CLNK: variants seen among roughly 807,000 people sequenced by gnomAD.
CLNK encodes the protein cytokine dependent hematopoietic cell linker, also known as cytokine-dependent hematopoietic cell linker.
CLNK carries 74 observed loss-of-function variants against 68.6 expected under a neutral mutation model. That is an observed-to-expected ratio of 1.08 (90% CI 0.89 to 1.31). CLNK has a LOEUF of 1.31. Ranked by LOEUF, CLNK falls within the 50% of genes most tolerant of loss-of-function variation. The pLI is 0.00. For missense variants in CLNK, 553 were observed against 515.3 expected, an observed-to-expected ratio of 1.07 and a Z score of -0.71; for synonymous variants, 198 against 172.2, an observed-to-expected ratio of 1.15 and a Z score of -1.17.
intron 17 of CLNK, among the ~76,000 whole-genome samples, chr4:10,501,882 G>A (rs1008789094): frequency 2.0e-5 from 3 of 152,202 alleles, no homozygotes; most frequent in African/African-American, 7.2e-5. Flanking sequence ...AGCCAAGATC[G>A]TGCCACTGCA....
intron 8 of CLNK, among the ~76,000 whole-genome samples, chr4:10,544,426 C>A (rs1439656700): frequency 6.6e-6 from 1 of 152,130 alleles, no homozygotes; most frequent in African/African-American, 2.4e-5. Context: ...ATGAAGCTTA[C>A]ATTCAGTGGC....
intron 2 of CLNK, among the ~76,000 whole-genome samples, chr4:10,642,844 G>T (rs1000716709): frequency 6.6e-6 from 1 of 152,238 alleles, no homozygotes; most frequent in South Asian, 2.1e-4. Flanking sequence ...TCTGGGAAGG[G>T]TATGTAAAAT....
At chr4:10,686,339 G>C (rs895593824), upstream of CLNK, among the ~76,000 whole-genome samples, 2 of 152,066 alleles carry the variant, frequency 1.3e-5, no homozygotes, top group Non-Finnish European at 2.9e-5. Context: ...GTAGTGGGGG[G>C]TTAGGACTTT....
At chr4:10,504,217 T>G (rs1477702692) in intron 17 of CLNK, among the ~76,000 whole-genome samples, 1 of 144,128 alleles carries the variant, frequency 6.9e-6, no homozygotes, top group East Asian at 2.1e-4. Flanking sequence ...GCCTCCTGGG[T>G]TCACGCCGTT....
intron 12 of CLNK, among the ~76,000 whole-genome samples, chr4:10,529,823 C>T (rs1227081205): frequency 1.3e-5 from 2 of 152,088 alleles, no homozygotes; most frequent in Non-Finnish European, 2.9e-5. Flanking sequence ...TAATTGAGAC[C>T]AACCAACTTT....
At chr4:10,551,031 T>A (rs139351597) in intron 8 of CLNK, among the ~76,000 whole-genome samples, 1 of 152,082 alleles carries the variant, frequency 6.6e-6, no homozygotes, top group African/African-American at 2.4e-5. Flanking sequence ...ATGATTCGAG[T>A]GAGACTGCTC....
chr4:10,687,754 T>C (rs1178738983), upstream of CLNK, among the ~76,000 whole-genome samples: 1 of 152,120 alleles, frequency 6.6e-6, no homozygotes, highest in Non-Finnish European at 1.5e-5. Context: ...ACCTGCATGT[T>C]CTTGCTTCCT....
intron 2 of CLNK, among the ~76,000 whole-genome samples, chr4:10,638,556 G>A (rs916148269): frequency 6.6e-6 from 1 of 152,174 alleles, no homozygotes; most frequent in Non-Finnish European, 1.5e-5. Flanking sequence ...TGTGACAGTG[G>A]TATATTAATT....
At chr4:10,729,500 G>A in the CLNK span, among the ~76,000 whole-genome samples, 1 of 152,142 alleles carries the variant, frequency 6.6e-6, no homozygotes, top group Admixed American at 6.5e-5. Flanking sequence ...AGAGCAAAGT[G>A]TCAACCTCAG....
the CLNK span, among the ~76,000 whole-genome samples, chr4:10,696,331 C>T: frequency 1.3e-5 from 2 of 152,178 alleles, no homozygotes; most frequent in Admixed American, 6.5e-5. Flanking sequence ...TCATCTGCCC[C>T]CTTTGCTGCA....
At chr4:10,495,714 A>C (rs1716776099) in intron 18 of CLNK, among the ~76,000 whole-genome samples, 1 of 152,152 alleles carries the variant, frequency 6.6e-6, no homozygotes, top group African/African-American at 2.4e-5. Context: ...AGGCCCTAAA[A>C]GCAATCATGT....
intron 3 of CLNK, among the ~76,000 whole-genome samples, chr4:10,595,107 A>G (rs1721337478): frequency 6.6e-6 from 1 of 152,154 alleles, no homozygotes; most frequent in Non-Finnish European, 1.5e-5. Context: ...AAACCAAACC[A>G]AACCAAAACA....
At chr4:10,612,854 G>A (rs1300427397) in intron 2 of CLNK, among the ~76,000 whole-genome samples, 14 of 152,176 alleles carry the variant, frequency 9.2e-5, no homozygotes, top group Non-Finnish European at 1.8e-4. Context: ...ATTTGGCATC[G>A]AAGGTGTTTA....
intron 2 of CLNK, among the ~76,000 whole-genome samples, chr4:10,647,856 T>C (rs1723571175): frequency 6.6e-6 from 1 of 152,202 alleles, no homozygotes; most frequent in Non-Finnish European, 1.5e-5. Context: ...TATTATGCCC[T>C]AAGTCCCATA....
At chr4:10,494,883 A>C (rs1488106931) in intron 18 of CLNK, among the ~76,000 whole-genome samples, 1 of 152,206 alleles carries the variant, frequency 6.6e-6, no homozygotes, top group African/African-American at 2.4e-5. Flanking sequence ...CAGGGGGACA[A>C]CCAATGTTAT....
chr4:10,508,764 C>A (rs1408267684), intron 16 of CLNK, among the ~76,000 whole-genome samples: 1 of 152,170 alleles, frequency 6.6e-6, no homozygotes, highest in African/African-American at 2.4e-5. Context: ...TTGAAGTAGG[C>A]ATGTCATGTA....
chr4:10,580,274 T>TA (rs1720729731), intron 4 of CLNK, among the ~76,000 whole-genome samples: 1 of 152,242 alleles, frequency 6.6e-6, no homozygotes, highest in South Asian at 2.1e-4. Flanking sequence ...CTGCCAGTCA[T>TA]ATGAAAGTCT....
At chr4:10,540,991 T>G (rs1409277528) in intron 10 of CLNK, among the ~76,000 whole-genome samples, 1 of 151,814 alleles carries the variant, frequency 6.6e-6, no homozygotes, top group Non-Finnish European at 1.5e-5. Flanking sequence ...GAGGTGGGCG[T>G]ATCACCTGAG....
At chr4:10,618,171 C>G (rs1722304423) in intron 2 of CLNK, among the ~76,000 whole-genome samples, 1 of 152,106 alleles carries the variant, frequency 6.6e-6, no homozygotes, top group African/African-American at 2.4e-5. Flanking sequence ...TATACTCATG[C>G]AATGGAATAT....
Sources: allele counts gnomAD v4.1 joint callset (sites outside exome capture counted in the v4.1 genomes callset), GRCh38; gene constraint gnomAD v4.1.1; transcripts MANE v1.5; gene names NCBI Gene and HGNC (gene_info 2026-07-23, HGNC 2026-07-21).